The following NCAPD3 variants were observed in gnomAD, a reference collection of about 807,000 sequenced individuals.
NCAPD3 encodes condensin-2 complex subunit D3.
NCAPD3 carries 105 observed loss-of-function variants against 182.9 expected under a neutral mutation model. The ratio of observed to expected loss-of-function variants is 0.57; its 90% CI spans 0.49 to 0.68. The LOEUF (loss-of-function observed/expected upper bound fraction) is 0.68, where lower values mean the gene tolerates loss of function less well. Ranked by LOEUF, NCAPD3 falls within the 30% of genes least tolerant of loss-of-function variation. NCAPD3 has a pLI of 0.00. For synonymous variants in NCAPD3, 815 were observed against 679.9 expected (o/e 1.20, Z -3.09); for missense variants, 1,944 against 1,837.0 (o/e 1.06, Z -1.07).
chr11:134,203,265 G>T, intron 11 of NCAPD3, 67 bp from the exon 12 acceptor site: 1 of 1,144,234 alleles, frequency 8.7e-7, no homozygotes, highest in Non-Finnish European at 1.3e-6. Flanking sequence ...ATCCACGGAG[G>T]AATCAAAATC....
intron 16 of NCAPD3, among the ~76,000 whole-genome samples, chr11:134,190,700 C>G (rs1204009107): frequency 6.6e-6 from 1 of 152,198 alleles, no homozygotes; most frequent in African/African-American, 2.4e-5. Context: ...TGATCTCAAA[C>G]TCCTGGTCTT....
In NCAPD3 at chr11:134,150,451, C is replaced by T. The variant is rs1201299804; in HGVS notation, c.*2493G>A. 2.0e-5 allele frequency: 3 copies of T among 152,256 alleles called. No homozygotes were observed. The highest frequency in any genetic ancestry group is 2.0e-4 in the Admixed American group (3 of 15,292). 9.4% of individuals were successfully genotyped at this position (152,256 alleles called of 1,614,324 possible). ...CTCGCTGTCTGCCAGGAGGCCCTGC[C>T]ATCCTTGGGCCCTGGCAGTGGCTGT... On this transcript the variant is annotated 3_prime_UTR_variant, in exon 35 of 35. Transcript: ENST00000534548.
chr11:134,187,893 A>T (rs1362898777), intron 16 of NCAPD3, among the ~76,000 whole-genome samples: 1 of 152,186 alleles, frequency 6.6e-6, no homozygotes, highest in African/African-American at 2.4e-5. Context: ...TGTTCAGTTG[A>T]ATAAAATATT....
At chr11:134,221,701 T>G (rs1052879508) in intron 1 of NCAPD3, among the ~76,000 whole-genome samples, 6 of 152,220 alleles carry the variant, frequency 3.9e-5, no homozygotes, top group Non-Finnish European at 7.3e-5. Context: ...TTTAGAGAAG[T>G]TGGGCAAGGT....
chr11:134,156,941 T>A, intron 32 of NCAPD3, 77 bp downstream of exon 32: 1 of 1,316,374 alleles, frequency 7.6e-7, no homozygotes, highest in East Asian at 2.3e-5. Context: ...GAAGGAGTTT[T>A]ACTGCGACTC....
intron 27 of NCAPD3, among the ~76,000 whole-genome samples, chr11:134,163,665 C>T (rs1943659905): frequency 7.1e-6 from 1 of 141,754 alleles, no homozygotes; most frequent in Non-Finnish European, 1.5e-5. Flanking sequence ...CGTACCACTG[C>T]ACTCCAGCCT....
intron 27 of NCAPD3, among the ~76,000 whole-genome samples, chr11:134,162,600 G>A (rs1342264856): frequency 1.3e-5 from 2 of 152,188 alleles, no homozygotes; most frequent in Middle Eastern, 3.4e-3. Context: ...TTTCTTCCTT[G>A]TAAACTACTC....
At chr11:134,168,775 T>G in intron 25 of NCAPD3, 142 bp downstream of exon 25, 1 of 1,378,132 alleles carries the variant, frequency 7.3e-7, no homozygotes, top group Non-Finnish European at 9.9e-7. Context: ...CGACTGTATT[T>G]TCTTACGCCA....
intron 16 of NCAPD3, among the ~76,000 whole-genome samples, chr11:134,189,140 ACT>A (rs149912232): frequency 0.025 from 3,752 of 152,128 alleles, 158 homozygotes; most frequent in African/African-American, 0.086. Flanking sequence ...CATTCTGAAT[ACT>A]CTGTTTCTGA....
chr11:134,223,931 C>G lies in NCAPD3; in HGVS notation c.-5G>C, dbSNP rs761089674. 10 of 1,612,098 alleles carry G rather than the reference C, an allele frequency of 6.2e-6. No individual in the cohort carries two copies. The African/African-American group carries it at 1.3e-4, about 22-fold the overall frequency. Reference sequence around the variant, plus strand: ...AAGGCCCCGCAACGCCACCATGATCCCAGGGCACCGGCTCGCCGCCGCCGT... The same window carrying G: ...AAGGCCCCGCAACGCCACCATGATCGCAGGGCACCGGCTCGCCGCCGCCGT... On this transcript the variant is annotated 5_prime_UTR_variant, in exon 1 of 35. Coordinates refer to ENST00000534548, the MANE Select transcript of NCAPD3 (RefSeq NM_015261.3).
chr11:134,222,139 T>C (rs576607186), intron 1 of NCAPD3, among the ~76,000 whole-genome samples: 1 of 152,346 alleles, frequency 6.6e-6, no homozygotes, highest in Admixed American at 6.5e-5. Flanking sequence ...AGTGAGAGTA[T>C]AGGAGACACT....
chr11:134,218,920 T>C (rs1938125129), intron 2 of NCAPD3, among the ~76,000 whole-genome samples: 1 of 152,202 alleles, frequency 6.6e-6, no homozygotes, highest in Non-Finnish European at 1.5e-5. Context: ...CTATTCATGT[T>C]ACCTATCTAT....
At chr11:134,178,527 CACAG>C (rs1269947698) in intron 22 of NCAPD3, 103 bp downstream of exon 22, 54 of 839,834 alleles carry the variant, frequency 6.4e-5, no homozygotes, top group South Asian at 5.3e-4. Flanking sequence ...TGAGAGCAGA[CACAG>C]ACAGGCTCCG....
intron 27 of NCAPD3, among the ~76,000 whole-genome samples, chr11:134,166,818 C>G (rs1229426689): frequency 8.8e-6 from 1 of 113,218 alleles, no homozygotes; most frequent in Non-Finnish European, 1.9e-5. Context: ...GAGCTGCACA[C>G]TCACTTGTGA....
At chr11:134,219,956 C>T (rs780999467) in intron 2 of NCAPD3, among the ~76,000 whole-genome samples, 3 of 151,930 alleles carry the variant, frequency 2.0e-5, no homozygotes, top group East Asian at 3.9e-4. Flanking sequence ...CCACCACAAC[C>T]GGCTAATTTT....
In NCAPD3 at chr11:134,177,388, A is replaced by G. The variant is rs780041397; in HGVS notation, c.2852T>C (p.Val951Ala). ...SIPALVRELE[V>A]CEDVAVRNNV... ...GTTGCGGACAGCCACGTCCTCACAC[A>G]CCTCGAGCTCTCGCACCAGGGCTGG... Residue 951 changes from valine (V) to alanine (A), a missense_variant, in exon 23 of 35, where the codon GTG becomes GCG. Around this residue, in one of 3 missense-constraint regions of NCAPD3, gnomAD observed 1,803 missense variants for 1,674.6 expected, o/e 1.08. Transcript: ENST00000534548. 1.9e-5 allele frequency: 31 copies of G among 1,614,110 alleles called. No individual in the cohort carries two copies. The Admixed American group carries it at 5.2e-4, about 27-fold the overall frequency.
chr11:134,225,080 G>A (rs374798141), upstream of NCAPD3: 70 of 1,542,040 alleles, frequency 4.5e-5, no homozygotes, highest in African/African-American at 6.6e-4. Flanking sequence ...GCCCCGGTGC[G>A]AGGGAGCGGT....
intron 3 of NCAPD3, among the ~76,000 whole-genome samples, chr11:134,214,170 T>TA (rs879839835): frequency 4.0e-5 from 6 of 149,444 alleles, no homozygotes; most frequent in Admixed American, 6.7e-5. Flanking sequence ...CTAAGTCCAT[T>TA]AAAAAAAAAG....
chr11:134,181,030 G>A lies in NCAPD3; in HGVS notation c.2559+47C>T, dbSNP rs1351197794. On this transcript the variant is annotated intron_variant, in intron 20 of 34. Coordinates refer to ENST00000534548, the MANE Select transcript of NCAPD3 (RefSeq NM_015261.3). Reference sequence around the variant, plus strand: ...AAAGTCATCTTTAATAGAACCTCACGGATAAAATGGAAGCGAAAAGAATGG... The same window carrying A: ...AAAGTCATCTTTAATAGAACCTCACAGATAAAATGGAAGCGAAAAGAATGG... 8 of 1,401,612 alleles carry A rather than the reference G, an allele frequency of 5.7e-6. No individual in the cohort carries two copies. The East Asian group carries it at 6.9e-5, about 12-fold the overall frequency. The allele number at this position is 1,401,612 out of a possible 1,614,324, so 86.8% of individuals were successfully genotyped here. A position where few individuals can be genotyped will look rare whatever the true frequency, so the allele number is the denominator to read the frequency against.
Sources: gnomAD v4.1 joint callset for allele counts (sites outside exome capture counted in the v4.1 genomes callset) on GRCh38, gnomAD v4.1.1 for gene constraint, gnomAD v4.1.1 regional missense constraint, MANE v1.5 for transcripts, NCBI Gene and HGNC (gene_info 2026-07-23, HGNC 2026-07-21) for gene names.